BAIAP2L2: variants seen among roughly 807,000 people sequenced by gnomAD.
BAIAP2L2 encodes BAR/IMD domain containing adaptor protein 2 like 2, also known as BAR/IMD domain-containing adapter protein 2-like 2.
BAIAP2L2 carries 65 observed loss-of-function variants against 60.4 expected under a neutral mutation model. The observed-to-expected ratio is 1.08, with a 90% CI of 0.88 to 1.32. The LOEUF (loss-of-function observed/expected upper bound fraction) is 1.32, where lower values mean the gene tolerates loss of function less well. Among genes scored for constraint, BAIAP2L2 ranks in the 40% most tolerant of loss-of-function variants. BAIAP2L2 has a pLI of 0.00. For missense variants in BAIAP2L2, 836 were observed against 741.2 expected, an observed-to-expected ratio of 1.13 and a Z score of -1.48; for synonymous variants, 344 against 301.7, an observed-to-expected ratio of 1.14 and a Z score of -1.45.
intron 7 of BAIAP2L2, chr22:38,093,976 C>A: frequency 2.2e-6 from 1 of 456,436 alleles, no homozygotes; most frequent in South Asian, 1.5e-5. Context: ...GTAAATACAT[C>A]GAGTAAACGA....
chr22:38,093,329 A>G (rs2086352618), intron 7 of BAIAP2L2, among the ~76,000 whole-genome samples: 1 of 152,190 alleles, frequency 6.6e-6, no homozygotes. Flanking sequence ...CAGAACTGAG[A>G]GCCAAATAAA....
intron 4 of BAIAP2L2, among the ~76,000 whole-genome samples, chr22:38,100,677 G>C (rs2086548505): frequency 6.6e-6 from 1 of 152,200 alleles, no homozygotes; most frequent in South Asian, 2.1e-4. Context: ...AGGCCCTCAT[G>C]AGAAGCTAAG....
intron 4 of BAIAP2L2, among the ~76,000 whole-genome samples, chr22:38,102,499 C>A (rs2086587441): frequency 6.6e-6 from 1 of 152,062 alleles, no homozygotes; most frequent in African/African-American, 2.4e-5. Context: ...TTTCCACAGA[C>A]AATCTCTGAG....
At chr22:38,098,539 G>A in intron 4 of BAIAP2L2, 57 bp from the exon 5 acceptor site, 3 of 1,405,856 alleles carry the variant, frequency 2.1e-6, no homozygotes, top group Non-Finnish European at 3.0e-6. Flanking sequence ...CCAGGCCCCA[G>A]CACCCCCTTG....
chr22:38,103,547 A>G (rs2086606413), intron 4 of BAIAP2L2, among the ~76,000 whole-genome samples: 1 of 152,224 alleles, frequency 6.6e-6, no homozygotes, highest in Middle Eastern at 3.2e-3. Context: ...GCAGATAGCA[A>G]GGACTCAGGA....
At chr22:38,098,378 G>C (rs1338099345) in intron 5 of BAIAP2L2, 33 bp downstream of exon 5, 6 of 1,603,866 alleles carry the variant, frequency 3.7e-6, no homozygotes. Context: ...TGCCTGCAGT[G>C]AGTTGGGGGC....
intron 11 of BAIAP2L2, among the ~76,000 whole-genome samples, chr22:38,086,848 T>C (rs926083580): frequency 3.3e-5 from 5 of 151,700 alleles, no homozygotes; most frequent in African/African-American, 9.7e-5. Flanking sequence ...ATACAAAAAG[T>C]AGCCAGGTGT....
In BAIAP2L2 at chr22:38,108,236, T is replaced by G; in HGVS notation, c.214+19A>C. 6.2e-7 allele frequency: 1 copy of G among 1,607,442 alleles called. No homozygotes were observed. The highest frequency in any genetic ancestry group is 8.5e-7 in the Non-Finnish European group (1 of 1,176,496). On this transcript the variant is annotated intron_variant, in intron 3 of 13. Transcript: ENST00000381669. Reference sequence around the variant, plus strand: ...AGGAGGGCCCAAGAATGGGGTCTGCTGTGGAGGGGGAGCCTCACCCAGAAT... The same window carrying G: ...AGGAGGGCCCAAGAATGGGGTCTGCGGTGGAGGGGGAGCCTCACCCAGAAT...
At chr22:38,104,696 C>G (rs929934290) in intron 4 of BAIAP2L2, among the ~76,000 whole-genome samples, 8 of 152,108 alleles carry the variant, frequency 5.3e-5, no homozygotes, top group Admixed American at 2.6e-4. Flanking sequence ...TGGGGTCTCA[C>G]CGTGTTAGCC....
Position 38,104,713 on chromosome 22 carries a change from G to C in BAIAP2L2, c.276+3139C>G, listed in dbSNP as rs182604899. On this transcript the variant is annotated intron_variant, in intron 4 of 13. Transcript: ENST00000381669. ...GGGTCTCACCGTGTTAGCCAGGATG[G>C]TCTTGATTTCCTGACCTCGTGATCC... Among the ~76,000 whole-genome samples, 699 of 152,234 alleles carry C rather than the reference G, an allele frequency of 4.6e-3. 3 individuals are homozygous for C. The highest frequency in any genetic ancestry group is 8.1e-3 in the Non-Finnish European group (551 of 68,024).
intron 6 of BAIAP2L2, among the ~76,000 whole-genome samples, chr22:38,097,562 C>T (rs764075465): frequency 1.6e-4 from 24 of 152,162 alleles, no homozygotes; most frequent in Non-Finnish European, 3.1e-4. Flanking sequence ...CGTGAGCTCA[C>T]TTAAAGGAGC....
chr22:38,107,730 G>T, intron 4 of BAIAP2L2, 122 bp downstream of exon 4: 2 of 881,540 alleles, frequency 2.3e-6, no homozygotes, highest in Non-Finnish European at 3.7e-6. Context: ...AGAGCCGGGT[G>T]CTGGGAAGGG....
Position 38,109,194 on chromosome 22 carries a change from C to G in BAIAP2L2, c.66G>C (p.Gln22His), listed in dbSNP as rs760173120. The change falls in exon 2 of 14, where the codon CAG (glutamine) becomes CAC (histidine). Residue 22 changes from glutamine to histidine, a missense_variant. By Grantham distance (24) the Gln-to-His change is conservative. Coordinates refer to ENST00000381669, the MANE Select transcript of BAIAP2L2 (RefSeq NM_025045.6). ...TMAIYKSIME[Q>H]FNPALENLVY... ...CCAGGTTCTCCAGGGCGGGGTTAAA[C>G]TGCTCCATGATGCTCTGGACCCCAG... 3.1e-6 allele frequency: 5 copies of G among 1,612,582 alleles called. No homozygotes were observed. The highest frequency in any genetic ancestry group is 4.2e-6 in the Non-Finnish European group (5 of 1,179,056).
At chr22:38,101,647 A>T (rs2086571963) in intron 4 of BAIAP2L2, among the ~76,000 whole-genome samples, 1 of 150,832 alleles carries the variant, frequency 6.6e-6, no homozygotes, top group African/African-American at 2.4e-5. Context: ...TGAGGTCAGG[A>T]GTTTGAGACC....
chr22:38,096,079 A>G (rs1308913233), intron 7 of BAIAP2L2, among the ~76,000 whole-genome samples: 1 of 152,190 alleles, frequency 6.6e-6, no homozygotes, highest in Non-Finnish European at 1.5e-5. Context: ...AAAGTCAGTA[A>G]CAGAAAGTAT....
intron 2 of BAIAP2L2, 67 bp from the exon 3 acceptor site, chr22:38,108,408 C>A: frequency 7.9e-7 from 1 of 1,258,702 alleles, no homozygotes; most frequent in South Asian, 1.3e-5. Flanking sequence ...AGGCTCTTTT[C>A]ATCTGGAGGG....
intron 12 of BAIAP2L2, 142 bp from the exon 13 acceptor site, chr22:38,085,874 C>CTGGAA: frequency 1.2e-6 from 1 of 856,632 alleles, no homozygotes; most frequent in Non-Finnish European, 1.8e-6. Flanking sequence ...AAAATGAGAC[C>CTGGAA]CTGACGTTCT....
intron 6 of BAIAP2L2, 103 bp downstream of exon 6, chr22:38,097,960 T>G (rs1404279784): frequency 2.8e-6 from 3 of 1,090,476 alleles, no homozygotes; most frequent in East Asian, 2.4e-5. Context: ...TGGTGCTCGG[T>G]GGGGGAGCTC....
At chr22:38,106,165 G>A (rs116198333) in intron 4 of BAIAP2L2, among the ~76,000 whole-genome samples, 3,074 of 152,268 alleles carry the variant, frequency 0.02, 103 homozygotes, top group African/African-American at 0.07. Context: ...AGGAGTCCAC[G>A]GAGCCCAGGG....
Sources: allele counts gnomAD v4.1 joint callset (sites outside exome capture counted in the v4.1 genomes callset), GRCh38; gene constraint gnomAD v4.1.1; transcripts MANE v1.5; gene names NCBI Gene and HGNC (gene_info 2026-07-23, HGNC 2026-07-21).